The following ITFG1 variants were observed in gnomAD, a reference collection of about 807,000 sequenced individuals.
ITFG1 encodes T-cell immunomodulatory protein.
In ITFG1, 34 loss-of-function variants were observed where a neutral mutation model predicts 81.8. The ratio of observed to expected loss-of-function variants is 0.42; its 90% CI spans 0.32 to 0.55. The LOEUF is 0.55. ITFG1 is among the 20% of genes least tolerant of loss of function. The pLI is 0.17. For synonymous variants in ITFG1, 285 were observed against 270.6 expected, an observed-to-expected ratio of 1.05 and a Z score of -0.52; for missense variants, 672 against 755.4, an observed-to-expected ratio of 0.89 and a Z score of 1.29.
At chr16:47,407,044 G>A (rs923922415) in intron 6 of ITFG1, among the ~76,000 whole-genome samples, 8 of 152,292 alleles carry the variant, frequency 5.3e-5, no homozygotes, top group East Asian at 1.9e-4. Context: ...ATGGTGGGCC[G>A]AGTAAGTGTG....
At chr16:47,186,378 C>A (rs1332069929) in intron 14 of ITFG1, among the ~76,000 whole-genome samples, 2 of 152,010 alleles carry the variant, frequency 1.3e-5, no homozygotes, top group African/African-American at 2.4e-5. Flanking sequence ...ACTGGCAAAC[C>A]GAATCCAGCA....
chr16:47,425,399 C>T (rs1179096651), intron 6 of ITFG1, among the ~76,000 whole-genome samples: 1 of 152,100 alleles, frequency 6.6e-6, no homozygotes, highest in Admixed American at 6.6e-5. Flanking sequence ...CCCTGCAGTT[C>T]CTGGGTAAGG....
At chr16:47,374,472 A>G (rs1309444611) in intron 7 of ITFG1, among the ~76,000 whole-genome samples, 1 of 152,122 alleles carries the variant, frequency 6.6e-6, no homozygotes, top group Non-Finnish European at 1.5e-5. Context: ...GTGTTTCATT[A>G]TGTTCTATAG....
chr16:47,263,091 A>C (rs895835606), intron 10 of ITFG1: 3 of 240,148 alleles, frequency 1.2e-5, no homozygotes, highest in Non-Finnish European at 2.6e-5. Flanking sequence ...TGAAATAAGG[A>C]ATGCATCCCT....
intron 6 of ITFG1, among the ~76,000 whole-genome samples, chr16:47,394,633 T>C (rs979039646): frequency 2.0e-5 from 3 of 149,686 alleles, no homozygotes; most frequent in African/African-American, 7.4e-5. Flanking sequence ...AAAATCTAAA[T>C]GGAAAAAAAA....
rs980244600 is a variant in ITFG1 at position 47,223,250 on chromosome 16, C to T, written c.1375-4304G>A. 6.8e-4 allele frequency among the ~76,000 whole-genome samples: 103 copies of T among 151,942 alleles called. 1 individual carries two copies. Among genetic ancestry groups the T allele is most frequent in the African/African-American group, 2.3e-3 (96 of 41,452 alleles). ...ATTGACAAATGGGATCTAATTAAAC[C>T]AAAGAGCTTCTGCACAGCAAAAGAA... On this transcript the variant is annotated intron_variant, in intron 13 of 17. Coordinates refer to ENST00000320640, the MANE Select transcript of ITFG1 (RefSeq NM_030790.5).
At chr16:47,287,162 CT>C (rs1966872721) in intron 10 of ITFG1, among the ~76,000 whole-genome samples, 1 of 152,184 alleles carries the variant, frequency 6.6e-6, no homozygotes, top group Non-Finnish European at 1.5e-5. Context: ...CATTCTAACT[CT>C]GTACACCATA....
chr16:47,363,034 C>T (rs939508409), intron 8 of ITFG1, among the ~76,000 whole-genome samples: 3 of 152,014 alleles, frequency 2.0e-5, no homozygotes, highest in Non-Finnish European at 4.4e-5. Flanking sequence ...GTAGCCTGGA[C>T]CACAGGCTTG....
At chr16:47,319,206 T>C (rs556163930) in intron 8 of ITFG1, among the ~76,000 whole-genome samples, 1 of 152,338 alleles carries the variant, frequency 6.6e-6, no homozygotes, top group Admixed American at 6.5e-5. Flanking sequence ...CATTTGTTGC[T>C]ATCACTACAA....
At chr16:47,190,101 G>A (rs1431584000) in intron 14 of ITFG1, among the ~76,000 whole-genome samples, 5 of 152,046 alleles carry the variant, frequency 3.3e-5, no homozygotes, top group Non-Finnish European at 7.4e-5. Context: ...AGCTAAATGG[G>A]AAAGCTTGAC....
At chr16:47,229,305 C>G (rs1965790705) in intron 13 of ITFG1, among the ~76,000 whole-genome samples, 1 of 152,048 alleles carries the variant, frequency 6.6e-6, no homozygotes. Flanking sequence ...GAAGGTCACA[C>G]AGAGCAAACT....
intron 8 of ITFG1, among the ~76,000 whole-genome samples, chr16:47,349,204 A>G (rs952216629): frequency 1.3e-5 from 2 of 152,218 alleles, no homozygotes; most frequent in African/African-American, 4.8e-5. Context: ...AAATTCACAC[A>G]TAACAATATT....
intron 8 of ITFG1, among the ~76,000 whole-genome samples, chr16:47,350,587 A>G (rs1404932698): frequency 6.6e-6 from 1 of 152,164 alleles, no homozygotes; most frequent in African/African-American, 2.4e-5. Context: ...TTACCAACCA[A>G]AAACAGTCCA....
intron 13 of ITFG1, among the ~76,000 whole-genome samples, chr16:47,231,361 T>C (rs1965814862): frequency 6.6e-6 from 1 of 152,146 alleles, no homozygotes; most frequent in South Asian, 2.1e-4. Flanking sequence ...ATATGCCTTA[T>C]ACTGAGAATA....
intron 14 of ITFG1, among the ~76,000 whole-genome samples, chr16:47,170,758 T>C (rs1447995819): frequency 1.7e-5 from 2 of 119,194 alleles, no homozygotes; most frequent in Admixed American, 1.0e-4. Flanking sequence ...TTTTTTGAGA[T>C]GGAGACTCAC....
intron 10 of ITFG1, among the ~76,000 whole-genome samples, chr16:47,282,580 A>C (rs1041185335): frequency 2.6e-5 from 4 of 152,142 alleles, no homozygotes; most frequent in Non-Finnish European, 4.4e-5. Context: ...CTTTTGGTAT[A>C]ATGATTTCTT....
At chr16:47,397,292 G>A (rs1054323562) in intron 6 of ITFG1, among the ~76,000 whole-genome samples, 2 of 152,178 alleles carry the variant, frequency 1.3e-5, no homozygotes, top group African/African-American at 4.8e-5. Context: ...AAGACAGAGT[G>A]GAAGTGTTGG....
intron 6 of ITFG1, among the ~76,000 whole-genome samples, chr16:47,421,378 T>C (rs1968947223): frequency 6.6e-6 from 1 of 151,844 alleles, no homozygotes; most frequent in Admixed American, 6.6e-5. Context: ...CGATCCTGGC[T>C]CACTGAACCT....
intron 7 of ITFG1, among the ~76,000 whole-genome samples, chr16:47,372,661 C>T (rs1190539008): frequency 6.6e-6 from 1 of 152,008 alleles, no homozygotes; most frequent in Non-Finnish European, 1.5e-5. Flanking sequence ...ACCAGCTGGC[C>T]AGCCTGGTCT....
Sources: gnomAD v4.1 joint callset for allele counts (sites outside exome capture counted in the v4.1 genomes callset) on GRCh38, gnomAD v4.1.1 for gene constraint, MANE v1.5 for transcripts, NCBI Gene and HGNC (gene_info 2026-07-23, HGNC 2026-07-21) for gene names.